DLGAP2: variants seen among roughly 807,000 people sequenced by gnomAD.
DLGAP2 encodes DLG associated protein 2.
Under a neutral mutation model 100.3 loss-of-function variants are expected in DLGAP2, and 26 were observed. The observed-to-expected ratio is 0.26, with a 90% confidence interval of 0.19 to 0.36. DLGAP2 has a LOEUF of 0.36. DLGAP2 is among the 10% of genes least tolerant of loss of function. DLGAP2 has a pLI of 1.00. For synonymous variants in DLGAP2, 886 were observed against 630.1 expected (o/e 1.41, Z -6.08); for missense variants, 1,858 against 1,453.2 (o/e 1.28, Z -4.53).
intron 8 of DLGAP2, among the ~76,000 whole-genome samples, chr8:1,660,382 C>T (rs916692528): frequency 6.6e-6 from 1 of 152,140 alleles, no homozygotes; most frequent in African/African-American, 2.4e-5. Context: ...CTGCTATAAA[C>T]AATCCATTCA....
At chr8:1,200,317 C>A (rs532875963) in intron 2 of DLGAP2, among the ~76,000 whole-genome samples, 1 of 152,364 alleles carries the variant, frequency 6.6e-6, no homozygotes, top group East Asian at 1.9e-4. Context: ...GTTCTTTTCT[C>A]ACTGAGCTCA....
At chr8:1,478,981 C>T (rs559666247) in intron 3 of DLGAP2, among the ~76,000 whole-genome samples, 2 of 152,222 alleles carry the variant, frequency 1.3e-5, no homozygotes, top group South Asian at 4.1e-4. Context: ...AGAAAATAAC[C>T]TCTGGGAACA....
intron 1 of DLGAP2, among the ~76,000 whole-genome samples, chr8:900,852 G>A (rs1798238229): frequency 6.6e-6 from 1 of 152,200 alleles, no homozygotes; most frequent in Non-Finnish European, 1.5e-5. Context: ...GAAATGAGAT[G>A]TTAAAAGAAA....
chr8:1,144,685 CCT>C lies in DLGAP2; in HGVS notation c.74-114165_74-114164del, dbSNP rs566423118. The stretch of plus-strand genomic sequence containing the variant: ...CTTCCTGTGTGCTGTGAATACAGGC[CCT>C]GTCTGCAGTTTTACTTTTGGCTGAA... On this transcript the variant is annotated intron_variant, in intron 2 of 14. Transcript: ENST00000637795. 2.3e-4 allele frequency among the ~76,000 whole-genome samples: 35 copies of C among 152,318 alleles called. 1 individual carries two copies. The East Asian group carries it at 6.6e-3, about 29-fold the overall frequency.
At chr8:1,515,423 C>T (rs13439175) in intron 4 of DLGAP2, among the ~76,000 whole-genome samples, 19,270 of 147,398 alleles carry the variant, frequency 0.13, 1,579 homozygotes, top group East Asian at 0.27. Context: ...TGCACACACA[C>T]ACGCAGACAC....
chr8:1,166,298 TTCCTTATTCCCGA>T (rs1169102686), intron 2 of DLGAP2, among the ~76,000 whole-genome samples: 1 of 152,214 alleles, frequency 6.6e-6, no homozygotes, highest in Non-Finnish European at 1.5e-5. Flanking sequence ...CACCCCGTGC[TTCCTTATTCCCGA>T]GGCCCCGGCC....
chr8:984,643 G>C (rs375487784), intron 2 of DLGAP2, among the ~76,000 whole-genome samples: 1 of 152,244 alleles, frequency 6.6e-6, no homozygotes, highest in Non-Finnish European at 1.5e-5. Flanking sequence ...GGTGTAAAGA[G>C]CACGGCCTCC....
intron 12 of DLGAP2, among the ~76,000 whole-genome samples, chr8:1,681,255 GTCA>G (rs1310276719): frequency 2.0e-5 from 3 of 152,020 alleles, no homozygotes; most frequent in Non-Finnish European, 4.4e-5. Context: ...TACTTCTCCT[GTCA>G]TCATTTTCCA....
At chr8:1,206,975 C>T (rs1798010138) in intron 2 of DLGAP2, among the ~76,000 whole-genome samples, 1 of 152,202 alleles carries the variant, frequency 6.6e-6, no homozygotes. Context: ...GTGAAACTTC[C>T]TGCCCACCCT....
At chr8:807,593 C>G (rs1796293050) in intron 1 of DLGAP2, among the ~76,000 whole-genome samples, 1 of 119,832 alleles carries the variant, frequency 8.3e-6, no homozygotes, top group Admixed American at 8.0e-5. Context: ...TCTCTCTCCT[C>G]TTTTTCTTCT....
intron 3 of DLGAP2, among the ~76,000 whole-genome samples, chr8:1,458,616 CA>C (rs1421421381): frequency 1.3e-5 from 2 of 152,194 alleles, no homozygotes; most frequent in Non-Finnish European, 2.9e-5. Flanking sequence ...GGTTTTTTAT[CA>C]AACTCAAAAC....
chr8:1,276,055 A>G (rs1034597117), intron 3 of DLGAP2, among the ~76,000 whole-genome samples: 9 of 140,610 alleles, frequency 6.4e-5, no homozygotes, highest in Non-Finnish European at 1.2e-4. Context: ...AATATATAAT[A>G]TATAAAAATA....
At chr8:783,099 A>G (rs907780223) in intron 1 of DLGAP2, among the ~76,000 whole-genome samples, 1 of 152,256 alleles carries the variant, frequency 6.6e-6, no homozygotes, top group Non-Finnish European at 1.5e-5. Context: ...TCATCTCACA[A>G]TGACAGATAA....
rs150159778 is a variant in DLGAP2, at chr8:1,682,964, A to C, written c.2704+4335A>C. Reference sequence around the variant, plus strand: ...TTTTTACCTTTTTTGAGCCATCAGGATCCTCCTCTGGACTCTCTCAGTGAT... The same window carrying C: ...TTTTTACCTTTTTTGAGCCATCAGGCTCCTCCTCTGGACTCTCTCAGTGAT... On this transcript the variant is annotated intron_variant, in intron 12 of 14. Transcript: ENST00000637795. 3.0e-3 allele frequency among the ~76,000 whole-genome samples: 456 copies of C among 151,426 alleles called. 3 individuals carry two copies. The highest frequency in any genetic ancestry group is 9.6e-3 in the African/African-American group (398 of 41,370).
chr8:1,317,197 T>G lies in DLGAP2; in HGVS notation c.106+58314T>G, dbSNP rs547521129. ...AGAGCGTGTGTGAGTGCAGCGTCTC[T>G]CCAACAGTGGTCTACACTCGAGACA... On this transcript the variant is annotated intron_variant, in intron 3 of 14. Transcript: ENST00000637795. Among the ~76,000 whole-genome samples, 12 of 127,782 alleles carry G rather than the reference T, an allele frequency of 9.4e-5. 2 individuals are homozygous for G. The highest frequency in any genetic ancestry group is 3.5e-4 in the African/African-American group (11 of 31,212). 83.8% of individuals were successfully genotyped at this position (127,782 alleles called of 152,430 possible). A position where few individuals can be genotyped will look rare whatever the true frequency, so the allele number is the denominator to read the frequency against.
chr8:837,328 A>T (rs1209545852), intron 1 of DLGAP2, among the ~76,000 whole-genome samples: 1 of 152,220 alleles, frequency 6.6e-6, no homozygotes, highest in African/African-American at 2.4e-5. Flanking sequence ...TGTGTCATTC[A>T]TCTTTGTGTT....
At chr8:1,462,914 G>A (rs539574506) in intron 3 of DLGAP2, among the ~76,000 whole-genome samples, 4 of 152,228 alleles carry the variant, frequency 2.6e-5, no homozygotes, top group African/African-American at 9.6e-5. Flanking sequence ...TCAAACACAT[G>A]TTGCCCTCAT....
chr8:1,386,877 T>C (rs1796233031), intron 3 of DLGAP2, among the ~76,000 whole-genome samples: 1 of 152,224 alleles, frequency 6.6e-6, no homozygotes, highest in South Asian at 2.1e-4. Flanking sequence ...TGAACTGTAT[T>C]AATGATATAA....
intron 3 of DLGAP2, among the ~76,000 whole-genome samples, chr8:1,318,972 C>T (rs1028014472): frequency 3.3e-5 from 5 of 152,158 alleles, no homozygotes; most frequent in South Asian, 2.1e-4. Context: ...TGGGAATCGA[C>T]ATAGTCTCTG....
Sources: gnomAD v4.1 joint callset for allele counts (sites outside exome capture counted in the v4.1 genomes callset) on GRCh38, gnomAD v4.1.1 for gene constraint, MANE v1.5 for transcripts, NCBI Gene and HGNC (gene_info 2026-07-23, HGNC 2026-07-21) for gene names.